NCALD: variants seen among roughly 807,000 people sequenced by gnomAD.
NCALD encodes neurocalcin delta.
In NCALD, 10 loss-of-function variants were observed where a neutral mutation model predicts 18.6. That is an observed-to-expected ratio of 0.54 (90% CI 0.33 to 0.91). NCALD has a LOEUF of 0.91. Among genes scored for constraint, NCALD ranks in the 40% least tolerant of loss-of-function variants. The pLI is 0.03. For missense variants in NCALD, 184 were observed against 247.6 expected, an observed-to-expected ratio of 0.74 and a Z score of 1.72; for synonymous variants, 88 against 87.4, an observed-to-expected ratio of 1.01 and a Z score of -0.04.
At chr8:101,691,372 C>A (rs1814722601) in intron 3 of NCALD, 4 of 985,396 alleles carry the variant, frequency 4.1e-6, no homozygotes, top group Non-Finnish European at 4.8e-6. Flanking sequence ...TCAGTCAGGG[C>A]TCTGCAATCC....
intron 4 of NCALD, among the ~76,000 whole-genome samples, chr8:101,853,353 GA>G (rs752693788): frequency 9.2e-5 from 14 of 152,132 alleles, no homozygotes; most frequent in Non-Finnish European, 1.8e-4. Flanking sequence ...TGGCTGGGAT[GA>G]AAAGGCATTT....
chr8:101,879,369 G>C (rs376753103), intron 4 of NCALD, among the ~76,000 whole-genome samples: 2 of 152,082 alleles, frequency 1.3e-5, no homozygotes, highest in Non-Finnish European at 2.9e-5. Flanking sequence ...AGACCTTCGC[G>C]GGGAGTATTA....
chr8:101,836,877 C>T (rs1391955076), intron 4 of NCALD, among the ~76,000 whole-genome samples: 1 of 152,148 alleles, frequency 6.6e-6, no homozygotes, highest in Non-Finnish European at 1.5e-5. Context: ...TAGAAGAATA[C>T]AAGAGGAAAT....
intron 1 of NCALD, among the ~76,000 whole-genome samples, chr8:102,119,758 T>A (rs1371327606): frequency 6.6e-6 from 1 of 152,224 alleles, no homozygotes; most frequent in Non-Finnish European, 1.5e-5. Context: ...ATCCCTTCCC[T>A]AATTATGTCT....
intron 2 of NCALD, among the ~76,000 whole-genome samples, chr8:101,916,542 G>C (rs1297920461): frequency 6.6e-6 from 1 of 152,094 alleles, no homozygotes; most frequent in Non-Finnish European, 1.5e-5. Flanking sequence ...GAATGCAAGT[G>C]GTTTCAATGT....
chr8:101,724,102 A>G lies in NCALD; in HGVS notation c.-19-4454T>C, dbSNP rs140717573. Among the ~76,000 whole-genome samples, 196 of 152,378 alleles carry G rather than the reference A, an allele frequency of 1.3e-3. 1 individual carries two copies. The highest frequency in any genetic ancestry group is 4.5e-3 in the African/African-American group (187 of 41,596). On this transcript the variant is annotated intron_variant, in intron 1 of 3. Transcript: ENST00000220931. The stretch of plus-strand genomic sequence containing the variant: ...TTCAGACATCCATGTTAAACTACCA[A>G]CTAATCAAGTTGTGGAACTGTTGTT...
At chr8:102,091,258 G>A (rs1238113281) in intron 1 of NCALD, among the ~76,000 whole-genome samples, 1 of 152,144 alleles carries the variant, frequency 6.6e-6, no homozygotes, top group African/African-American at 2.4e-5. Context: ...GTATAATAAA[G>A]CAAATCAGTC....
chr8:102,089,326 G>A (rs554664301), intron 1 of NCALD, among the ~76,000 whole-genome samples: 44 of 151,902 alleles, frequency 2.9e-4, no homozygotes, highest in African/African-American at 1.0e-3. Context: ...CCCGGGAGGC[G>A]GAGCTTGCAG....
At chr8:101,925,173 C>A (rs1250108301) in intron 2 of NCALD, among the ~76,000 whole-genome samples, 4 of 152,100 alleles carry the variant, frequency 2.6e-5, no homozygotes, top group African/African-American at 9.7e-5. Flanking sequence ...TCCAAGAGGG[C>A]AGAGCCAGGC....
At chr8:101,738,030 A>G (rs1810002739) in intron 1 of NCALD, among the ~76,000 whole-genome samples, 1 of 152,176 alleles carries the variant, frequency 6.6e-6, no homozygotes, top group Non-Finnish European at 1.5e-5. Context: ...ATAATGAAAG[A>G]TCGTACCTTT....
At chr8:101,952,571 C>T (rs746055024) in intron 2 of NCALD, among the ~76,000 whole-genome samples, 1 of 152,192 alleles carries the variant, frequency 6.6e-6, no homozygotes, top group Non-Finnish European at 1.5e-5. Context: ...CTGCTCATCT[C>T]TGGTCACAGC....
intron 1 of NCALD, among the ~76,000 whole-genome samples, chr8:102,103,964 G>A (rs947054637): frequency 3.9e-5 from 6 of 152,198 alleles, no homozygotes; most frequent in Non-Finnish European, 8.8e-5. Flanking sequence ...AGCAGGTGGA[G>A]TAAGCAAAGA....
chr8:102,041,608 G>C (rs1363447996), intron 1 of NCALD, among the ~76,000 whole-genome samples: 3 of 152,248 alleles, frequency 2.0e-5, no homozygotes, highest in Non-Finnish European at 4.4e-5. Flanking sequence ...CTAGAGAGTA[G>C]GAGGCTCTTT....
intron 2 of NCALD, among the ~76,000 whole-genome samples, chr8:101,978,645 G>C (rs1820510456): frequency 9.8e-6 from 1 of 102,184 alleles, no homozygotes; most frequent in Non-Finnish European, 1.9e-5. Flanking sequence ...AATGTGTGCA[G>C]GTGGTGGTGG....
chr8:101,956,645 G>C (rs565235357), intron 2 of NCALD, among the ~76,000 whole-genome samples: 32 of 152,180 alleles, frequency 2.1e-4, no homozygotes, highest in African/African-American at 7.2e-4. Context: ...CAGACACACA[G>C]AGAGAGAGAC....
chr8:101,692,364 T>C, intron 3 of NCALD: 2 of 985,274 alleles, frequency 2.0e-6, no homozygotes, highest in Non-Finnish European at 2.4e-6. Flanking sequence ...CAAAACCCCT[T>C]TGGCAGGCTG....
chr8:101,880,037 G>A (rs1013592943), intron 4 of NCALD, among the ~76,000 whole-genome samples: 6 of 149,828 alleles, frequency 4.0e-5, no homozygotes, highest in Non-Finnish European at 4.4e-5. Context: ...AGAGGGCTGC[G>A]CTAGTCTGGG....
chr8:101,719,681 T>C (rs1242037472), intron 1 of NCALD, 33 bp from the exon 2 acceptor site: 3 of 1,512,970 alleles, frequency 2.0e-6, no homozygotes, highest in African/African-American at 2.8e-5. Context: ...ATATAATTTG[T>C]AGAGCTGCTC....
intron 2 of NCALD, among the ~76,000 whole-genome samples, chr8:101,985,876 C>A (rs941730931): frequency 3.9e-5 from 6 of 152,072 alleles, no homozygotes; most frequent in African/African-American, 1.4e-4. Context: ...AACTTGGAAG[C>A]CTTAGGGACT....
Sources: gnomAD v4.1 joint callset for allele counts (sites outside exome capture counted in the v4.1 genomes callset) on GRCh38, gnomAD v4.1.1 for gene constraint, MANE v1.5 for transcripts, NCBI Gene and HGNC (gene_info 2026-07-23, HGNC 2026-07-21) for gene names.